Variants in PTPRT observed in about 807,000 individuals in gnomAD.
PTPRT encodes the protein protein tyrosine phosphatase receptor type T.
In PTPRT, 56 loss-of-function variants were observed where a neutral mutation model predicts 176.8. The observed-to-expected ratio is 0.32, with a 90% CI of 0.26 to 0.40. The LOEUF is 0.40. PTPRT is among the 10% of genes least tolerant of loss of function. The pLI is 1.00. For synonymous variants in PTPRT, 783 were observed against 739.0 expected, an observed-to-expected ratio of 1.06 and a Z score of -0.96; for missense variants, 1,540 against 1,908.2, an observed-to-expected ratio of 0.81 and a Z score of 3.60.
rs35885799 is a variant in PTPRT, at chr20:43,051,625, T to TAAAAAAAAAAA, written c.88+138010_88+138020dup. On this transcript the variant is annotated intron_variant, in intron 1 of 30. Coordinates refer to ENST00000373187, the MANE Select transcript of PTPRT (RefSeq NM_007050.6). The stretch of plus-strand genomic sequence containing the variant: ...TCCTTCCAGCCACACTCTGTAACTG[T>TAAAAAAAAAAA]AAAAAAAAAAAAAAAAAAAAAAAAT... Among the ~76,000 whole-genome samples, 436 of 91,908 alleles carry TAAAAAAAAAAA rather than the reference T, an allele frequency of 4.7e-3. 43 individuals carry two copies. The highest frequency in any genetic ancestry group is 0.019 in the African/African-American group (355 of 18,790). 60.3% of individuals were successfully genotyped at this position (91,908 alleles called of 152,430 possible).
chr20:42,733,597 C>T (rs1434842563), intron 6 of PTPRT, among the ~76,000 whole-genome samples: 2 of 152,138 alleles, frequency 1.3e-5, no homozygotes, highest in Non-Finnish European at 2.9e-5. Context: ...TCGCCAGAGC[C>T]GAGGGCTGCC....
At chr20:42,422,521 G>T (rs1022711677) in intron 9 of PTPRT, among the ~76,000 whole-genome samples, 1 of 152,184 alleles carries the variant, frequency 6.6e-6, no homozygotes, top group East Asian at 1.9e-4. Context: ...CAGTCAGAAT[G>T]GTTACTACTA....
At chr20:42,753,433 C>T (rs1353292232) in intron 6 of PTPRT, among the ~76,000 whole-genome samples, 1 of 152,130 alleles carries the variant, frequency 6.6e-6, no homozygotes, top group East Asian at 1.9e-4. Flanking sequence ...AAAATGGGCA[C>T]TAAAAAACTG....
intron 7 of PTPRT, among the ~76,000 whole-genome samples, chr20:42,530,194 T>C (rs2072356314): frequency 6.6e-6 from 1 of 152,178 alleles, no homozygotes; most frequent in African/African-American, 2.4e-5. Flanking sequence ...AAATTAGAAG[T>C]GGTTCACTGT....
At chr20:42,048,277 T>C in the PTPRT span, among the ~76,000 whole-genome samples, 1 of 152,172 alleles carries the variant, frequency 6.6e-6, no homozygotes, top group African/African-American at 2.4e-5. Flanking sequence ...AGAAGCTGGC[T>C]CTGTTGTTGT....
At chr20:42,816,898 CA>C (rs1314689890) in intron 2 of PTPRT, among the ~76,000 whole-genome samples, 1 of 152,146 alleles carries the variant, frequency 6.6e-6, no homozygotes, top group East Asian at 1.9e-4. Context: ...TAAAAATTAC[CA>C]ACCTTGGCCA....
In PTPRT at chr20:42,280,225, T is replaced by C. The variant is rs112186661; in HGVS notation, c.2176+2264A>G. Among the ~76,000 whole-genome samples, 1,173 of 152,230 alleles carry C rather than the reference T, an allele frequency of 7.7e-3. 10 individuals carry two copies. Among genetic ancestry groups the C allele is most frequent in the African/African-American group, 0.027 (1,118 of 41,542 alleles). ...ATTTATAATAGATAGGGTTTGCCTT[T>C]AATCAACCCTAGGTACTCTAAGCAT... On this transcript the variant is annotated intron_variant, in intron 13 of 30. Coordinates refer to ENST00000373187, the MANE Select transcript of PTPRT (RefSeq NM_007050.6).
chr20:42,933,161 C>T (rs991792993), intron 1 of PTPRT, among the ~76,000 whole-genome samples: 1 of 152,214 alleles, frequency 6.6e-6, no homozygotes, highest in African/African-American at 2.4e-5. Context: ...CACAACTTTT[C>T]AATTCCTCCA....
intron 4 of PTPRT, among the ~76,000 whole-genome samples, chr20:42,772,642 T>G (rs1214032353): frequency 6.6e-6 from 1 of 152,150 alleles, no homozygotes; most frequent in African/African-American, 2.4e-5. Context: ...TGAGGCACAA[T>G]GAAGGATCTC....
intron 12 of PTPRT, among the ~76,000 whole-genome samples, chr20:42,301,471 G>C: frequency 6.6e-6 from 1 of 151,920 alleles, no homozygotes; most frequent in Non-Finnish European, 1.5e-5. Flanking sequence ...GTTTTTTTTT[G>C]TTATTGTTTA....
intron 7 of PTPRT, among the ~76,000 whole-genome samples, chr20:42,601,520 A>G (rs1343991323): frequency 6.6e-6 from 1 of 152,208 alleles, no homozygotes; most frequent in Non-Finnish European, 1.5e-5. Context: ...TAATCTAGTC[A>G]GATACAAAGT....
rs1004150907 is a variant in PTPRT at position 43,042,342 on chromosome 20, C to T, written c.88+147304G>A. ...ATGTCTCATCGTCCAGTGATCCAGGCGATAATTTACTAACCAGGCAGCACA... is the reference window on the plus strand; with the variant it reads ...ATGTCTCATCGTCCAGTGATCCAGGTGATAATTTACTAACCAGGCAGCACA... On this transcript the variant is annotated intron_variant, in intron 1 of 30. Transcript: ENST00000373187. Among the ~76,000 whole-genome samples the T allele has an allele frequency of 3.3e-5, 5 of 149,542 alleles. No individual in the cohort carries two copies. The East Asian group carries it at 7.8e-4, about 23-fold the overall frequency.
At chr20:42,835,429 G>A (rs1039404608) in intron 2 of PTPRT, among the ~76,000 whole-genome samples, 1 of 152,156 alleles carries the variant, frequency 6.6e-6, no homozygotes, top group African/African-American at 2.4e-5. Context: ...GAACTCAGTA[G>A]ATAGATGATA....
At chr20:42,356,043 T>C (rs932100094) in intron 9 of PTPRT, among the ~76,000 whole-genome samples, 37 of 152,326 alleles carry the variant, frequency 2.4e-4, no homozygotes, top group African/African-American at 8.9e-4. Flanking sequence ...CCAAATCTAA[T>C]TCCCACTGCT....
At chr20:42,153,221 T>C (rs1228537142) in intron 17 of PTPRT, among the ~76,000 whole-genome samples, 1 of 152,218 alleles carries the variant, frequency 6.6e-6, no homozygotes, top group African/African-American at 2.4e-5. Flanking sequence ...TATTTATCTT[T>C]CTATCTCCAG....
intron 12 of PTPRT, among the ~76,000 whole-genome samples, chr20:42,300,466 TAA>T (rs1405665315): frequency 2.6e-5 from 4 of 151,710 alleles, no homozygotes; most frequent in African/African-American, 9.7e-5. Context: ...AGAAAGAAAA[TAA>T]GTTTTCAAGA....
chr20:42,545,967 AATATCTATATCTATAAATAGTT>A (rs1345453922), intron 7 of PTPRT, among the ~76,000 whole-genome samples: 1 of 152,130 alleles, frequency 6.6e-6, no homozygotes, highest in African/African-American at 2.4e-5. Context: ...TATTAGTTTA[AATATCTATATCTATAAATAGTT>A]ATACATAATA....
intron 7 of PTPRT, among the ~76,000 whole-genome samples, chr20:42,531,265 A>G (rs1462411353): frequency 6.6e-6 from 1 of 152,210 alleles, no homozygotes; most frequent in South Asian, 2.1e-4. Flanking sequence ...TTTTCTATTC[A>G]GAAGAACAGA....
chr20:42,527,333 T>C (rs1428049705), intron 7 of PTPRT, among the ~76,000 whole-genome samples: 1 of 152,106 alleles, frequency 6.6e-6, no homozygotes, highest in African/African-American at 2.4e-5. Context: ...CCAGGAATTG[T>C]CCCATCCTAT....
Sources: allele counts gnomAD v4.1 joint callset (sites outside exome capture counted in the v4.1 genomes callset), GRCh38; gene constraint gnomAD v4.1.1; transcripts MANE v1.5; gene names NCBI Gene and HGNC (gene_info 2026-07-23, HGNC 2026-07-21).